ZNF48: variants seen among roughly 807,000 people sequenced by gnomAD.
ZNF48 encodes the protein zinc finger protein 553.
Under a neutral mutation model 40.0 loss-of-function variants are expected in ZNF48, and 20 were observed. The observed-to-expected ratio is 0.50, with a 90% CI of 0.35 to 0.73. ZNF48 has a LOEUF of 0.73. Ranked by LOEUF, ZNF48 falls within the 30% of genes least tolerant of loss-of-function variation. The pLI is 0.01. For missense variants in ZNF48, 726 were observed against 851.9 expected, an observed-to-expected ratio of 0.85 and a Z score of 1.84; for synonymous variants, 298 against 329.7, an observed-to-expected ratio of 0.90 and a Z score of 1.04.
At chr16:30,380,693 C>T in intron 1 of ZNF48, 1 of 176,114 alleles carries the variant, frequency 5.7e-6, no homozygotes, top group South Asian at 1.1e-4. Context: ...TCACTTGCGC[C>T]TACAAGTTCG....
intron 1 of ZNF48, chr16:30,378,947 G>C (rs528050334): frequency 6.7e-7 from 1 of 1,485,376 alleles, no homozygotes; most frequent in Non-Finnish European, 9.2e-7. Context: ...TGGTGGGGAC[G>C]AGTCCTCAGG....
In ZNF48 at chr16:30,398,118, C is replaced by T. The variant is rs1567434797; in HGVS notation, c.868C>T (p.Leu290Phe). The change falls in exon 3 of 3, where the codon CTC becomes TTC. Residue 290 changes from leucine to phenylalanine, a missense_variant. Leu to Phe is a conservative substitution (Grantham distance 22). Transcript: ENST00000613509. The surrounding 1 kb of genome is among the most constrained non-coding windows in gnomAD (Gnocchi z 6.6). ...CAAGAGGTTTGTGCTCAGCTGCAGC[C>T]TCCTGAGTCACCAGCGTAGTCACTT... ...CGKRFVLSCS[L>F]LSHQRSHLGP... is the part of the protein sequence containing the mutation. 1 of 1,613,646 alleles carries T rather than the reference C, an allele frequency of 6.2e-7. No individual in the cohort carries two copies. Among genetic ancestry groups the T allele is most frequent in the East Asian group, 2.2e-5 (1 of 44,866 alleles).
At position 30,381,728 on chromosome 16, in the gene ZNF48, G is replaced by T. The variant is rs919370810; in HGVS notation, c.-16+3318G>T. 1.8e-5 allele frequency: 29 copies of T among 1,611,892 alleles called. No homozygotes were observed. The highest frequency in any genetic ancestry group is 2.5e-5 in the Non-Finnish European group (29 of 1,178,970). ...CTCCAGGGAGTCGCCACTGTGAAAGGCTGAGCCTCTGTCCCCTTTCCTCTT... is the reference window on the plus strand; with the variant it reads ...CTCCAGGGAGTCGCCACTGTGAAAGTCTGAGCCTCTGTCCCCTTTCCTCTT... On this transcript the variant is annotated intron_variant, in intron 1 of 2. Coordinates refer to the ZNF48 transcript ENST00000528032. This position sits in a 1 kb window ranked among gnomAD's most constrained non-coding sequence, Gnocchi z 4.3.
intron 1 of ZNF48, among the ~76,000 whole-genome samples, chr16:30,386,687 G>A (rs961770886): frequency 6.6e-6 from 1 of 151,838 alleles, no homozygotes; most frequent in African/African-American, 2.4e-5. Flanking sequence ...TTTCGCCCTT[G>A]TAGTTTCGCT....
At position 30,382,513 on chromosome 16, in the gene ZNF48, G is replaced by A; in HGVS notation, c.-16+4103G>A. 6.3e-7 allele frequency: 1 copy of A among 1,596,764 alleles called. No homozygotes were observed. The highest frequency in any genetic ancestry group is 1.7e-4 in the Middle Eastern group (1 of 5,964). On this transcript the variant is annotated intron_variant, in intron 1 of 2. Coordinates refer to the ZNF48 transcript ENST00000528032. The surrounding 1 kb of genome is among the most constrained non-coding windows in gnomAD (Gnocchi z 4.8). The stretch of plus-strand genomic sequence containing the variant: ...GGCCGAGATGCCCAGGTTTCTGGGT[G>A]TAAGGACTCACCATGACTCCGCCAG...
rs1567430103 is a variant in ZNF48 at position 30,389,404 on chromosome 16, A to AAT, written c.-15-6375_-15-6374insTA. 3.0e-4 allele frequency among the ~76,000 whole-genome samples: 43 copies of AAT among 142,000 alleles called. 2 individuals carry two copies. In the East Asian group the frequency reaches 8.5e-3, roughly 28 times the overall value. The allele number at this position is 142,000 out of a possible 152,430, so 93.2% of individuals were successfully genotyped here. A position where few individuals can be genotyped will look rare whatever the true frequency, so the allele number is the denominator to read the frequency against. ...AGACTCCATCTCAAAAAAAAAAAAA[A>AAT]AATAATAATAATACAAAAATTAGCT... On this transcript the variant is annotated intron_variant, in intron 1 of 2. Transcript: ENST00000528032.
intron 1 of ZNF48, chr16:30,383,065 C>T (rs2049871805): frequency 2.0e-6 from 1 of 489,922 alleles, no homozygotes; most frequent in Non-Finnish European, 3.7e-6. Context: ...TCCTGTAGTC[C>T]CAGCTACTGG....
upstream of ZNF48, among the ~76,000 whole-genome samples, chr16:30,391,185 A>G (rs775008435): frequency 6.6e-6 from 1 of 152,026 alleles, no homozygotes; most frequent in Non-Finnish European, 1.5e-5. Context: ...TCTAGCACAC[A>G]TTAGGTTTTC....
chr16:30,382,982 T>C lies in ZNF48; in HGVS notation c.-16+4572T>C. ...TGAGCCAAGGAGTTCCAGACCAGCCTGGGCAACAGAGGGACGTGCCCCTCT... is the reference window on the plus strand; with the variant it reads ...TGAGCCAAGGAGTTCCAGACCAGCCCGGGCAACAGAGGGACGTGCCCCTCT... On this transcript the variant is annotated intron_variant, in intron 1 of 2. Transcript: ENST00000528032. This position sits in a 1 kb window ranked among gnomAD's most constrained non-coding sequence, Gnocchi z 4.8. 1.6e-6 allele frequency: 1 copy of C among 616,906 alleles called. No homozygotes were observed. Among genetic ancestry groups the C allele is most frequent in the African/African-American group, 1.8e-5 (1 of 54,786 alleles). The allele number at this position is 616,906 out of a possible 1,614,324, so 38.2% of individuals were successfully genotyped here. A position where few individuals can be genotyped will look rare whatever the true frequency, so the allele number is the denominator to read the frequency against.
At chr16:30,389,499 G>C (rs547004762) in intron 1 of ZNF48, among the ~76,000 whole-genome samples, 2 of 151,642 alleles carry the variant, frequency 1.3e-5, no homozygotes, top group South Asian at 4.2e-4. Flanking sequence ...CTTGAACCTG[G>C]GAGGCAGAGG....
Position 30,399,055 on chromosome 16 carries a change from G to A in ZNF48, c.1805G>A (p.Gly602Glu), listed in dbSNP as rs1442971962. ...GHLVLTPFGI[G>E]DGRARPLKQE... ...CTGGTCCTGACGCCCTTTGGGATAG[G>A]GGATGGTAGGGCAAGGCCCCTCAAG... Residue 602 changes from glycine to glutamate, a missense_variant, in exon 3 of 3, where the codon GGG (glycine) becomes GAG (glutamate). Physicochemically the swap from Gly to Glu is moderately conservative, Grantham distance 98 (BLOSUM62 -2). This residue lies in a region of ZNF48 where 166 missense variants were observed against 163.6 expected (regional missense o/e 1.01). Transcript: ENST00000613509. The A allele has an allele frequency of 1.2e-6, 2 of 1,610,456 alleles. No homozygotes were observed. The highest frequency in any genetic ancestry group is 1.7e-5 in the Admixed American group (1 of 59,834).
In ZNF48 at chr16:30,397,328, A is replaced by G. The variant is rs748553624; in HGVS notation, c.80-2A>G. ...GTCTACAACTTCCTTTTCTTTCCTCAGGTCTAGGGAGTGAGAACGTGATTT... is the reference window on the plus strand; with the variant it reads ...GTCTACAACTTCCTTTTCTTTCCTCGGGTCTAGGGAGTGAGAACGTGATTT... On this transcript the variant is annotated splice_acceptor_variant, in intron 2 of 2. Coordinates refer to ENST00000613509, the MANE Select transcript of ZNF48 (RefSeq NM_001214909.2). LOFTEE classifies it high-confidence loss of function. This position sits in a 1 kb window ranked among gnomAD's most constrained non-coding sequence, Gnocchi z 4.1. The G allele has an allele frequency of 1.2e-6, 2 of 1,603,144 alleles. No homozygotes were observed. The highest frequency in any genetic ancestry group is 1.1e-5 in the South Asian group (1 of 89,582).
rs758141395 is a variant in ZNF48, at chr16:30,381,169, C to T, written c.-16+2759C>T. 2.4e-5 allele frequency: 38 copies of T among 1,614,046 alleles called. No homozygotes were observed. The highest frequency in any genetic ancestry group is 3.3e-4 in the Middle Eastern group (2 of 6,062). On this transcript the variant is annotated intron_variant, in intron 1 of 2. Transcript: ENST00000528032. This position sits in a 1 kb window ranked among gnomAD's most constrained non-coding sequence, Gnocchi z 4.3. ...GGGTTTCCTGGGGCATCAGAGCATCCGCTTTGCCAATGACTGGGATGATGT... is the reference window on the plus strand; with the variant it reads ...GGGTTTCCTGGGGCATCAGAGCATCTGCTTTGCCAATGACTGGGATGATGT...
chr16:30,385,006 G>A (rs1017032377), intron 1 of ZNF48, among the ~76,000 whole-genome samples: 1 of 151,782 alleles, frequency 6.6e-6, no homozygotes, highest in Non-Finnish European at 1.5e-5. Context: ...GAGAAACCCT[G>A]ACTCTACTAA....
chr16:30,381,778 G>A lies in ZNF48; in HGVS notation c.-16+3368G>A, dbSNP rs1346248873. On this transcript the variant is annotated intron_variant, in intron 1 of 2. Coordinates refer to the ZNF48 transcript ENST00000528032. This position sits in a 1 kb window ranked among gnomAD's most constrained non-coding sequence, Gnocchi z 4.3. ...TCCTCACCAGTCAGAGCAGTCCACT[G>A]AGTCCCCAAAGCCAGGTGTGTCCAC... 6.2e-7 allele frequency: 1 copy of A among 1,614,092 alleles called. No homozygotes were observed. Among genetic ancestry groups the A allele is most frequent in the Non-Finnish European group, 8.5e-7 (1 of 1,180,000 alleles).
rs1483207909 is a variant in ZNF48, at chr16:30,398,809, C to T, written c.1559C>T (p.Pro520Leu). Reference sequence around the variant, plus strand: ...TCCACTCTGCTGCGGCCACATAACCCACCTGGCCCAGTACCCATGGCCCCT... The same window carrying T: ...TCCACTCTGCTGCGGCCACATAACCTACCTGGCCCAGTACCCATGGCCCCT... ...PPSTLLRPHN[P>L]PGPVPMAPRP... The change falls in exon 3 of 3, where the codon CCA (proline) becomes CTA (leucine). Residue 520 changes from proline to leucine, a missense_variant. This residue lies in a region of ZNF48 where 166 missense variants were observed against 163.6 expected (regional missense o/e 1.01). Transcript: ENST00000613509. This position sits in a 1 kb window ranked among gnomAD's most constrained non-coding sequence, Gnocchi z 6.6. The T allele has an allele frequency of 6.2e-7, 1 of 1,613,832 alleles. No individual in the cohort carries two copies. The highest frequency in any genetic ancestry group is 1.1e-5 in the South Asian group (1 of 91,086).
rs749609638 is a variant in ZNF48, at chr16:30,397,449, C to T, written c.199C>T (p.Leu67Phe). 3.7e-6 allele frequency: 6 copies of T among 1,614,006 alleles called. No individual in the cohort carries two copies. In the African/African-American group the frequency reaches 8.0e-5, roughly 22 times the overall value. ...APDHEVGNAS[L>F]KPEGIQNWDD... ...AGATCATGAAGTAGGAAATGCCTCTCTCAAACCTGAAGGCATCCAGAACTG... is the reference window on the plus strand; with the variant it reads ...AGATCATGAAGTAGGAAATGCCTCTTTCAAACCTGAAGGCATCCAGAACTG... Residue 67 changes from leucine to phenylalanine, a missense_variant, in exon 3 of 3, where the codon CTC (leucine) becomes TTC (phenylalanine). Leu to Phe is a conservative substitution (Grantham distance 22, BLOSUM62 0). Transcript: ENST00000613509. This position sits in a 1 kb window ranked among gnomAD's most constrained non-coding sequence, Gnocchi z 4.1.
At chr16:30,385,075 T>C (rs1408244839) in intron 1 of ZNF48, among the ~76,000 whole-genome samples, 1 of 151,536 alleles carries the variant, frequency 6.6e-6, no homozygotes, top group Admixed American at 6.6e-5. Context: ...ACACGGGAGC[T>C]GAAGCAGGAG....
rs768575604 is a variant in ZNF48, at chr16:30,398,244, C to CT, written c.995dup (p.Cys333LeufsTer90). ...GGTGCACACGGGTGAGAAGCCCTAC[C>CT]TCTGCCCAGAGTGCGGCAAAGGTTT... On this transcript the variant is annotated frameshift_variant, in exon 3 of 3. Transcript: ENST00000613509. LOFTEE classifies it high-confidence loss of function. This position sits in a 1 kb window ranked among gnomAD's most constrained non-coding sequence, Gnocchi z 6.6. The CT allele has an allele frequency of 6.2e-7, 1 of 1,613,626 alleles. No individual in the cohort carries two copies.
Sources: gnomAD v4.1 joint callset for allele counts (sites outside exome capture counted in the v4.1 genomes callset) on GRCh38, gnomAD v4.1.1 for gene constraint, gnomAD v4.1.1 regional missense constraint, Gnocchi (gnomAD v3.1) non-coding constraint, MANE v1.5 for transcripts, NCBI Gene and HGNC (gene_info 2026-07-23, HGNC 2026-07-21) for gene names.